NECAB2: variants seen among roughly 807,000 people sequenced by gnomAD.
NECAB2 encodes the protein N-terminal EF-hand calcium binding protein 2, also known as N-terminal EF-hand calcium-binding protein 2.
NECAB2 carries 68 observed loss-of-function variants against 51.9 expected under a neutral mutation model. The ratio of observed to expected loss-of-function variants is 1.31; its 90% CI spans 1.08 to 1.60. The LOEUF (loss-of-function observed/expected upper bound fraction) is 1.60, where lower values mean the gene tolerates loss of function less well. NECAB2 is among the 40% of genes most tolerant of loss of function. NECAB2 has a pLI of 0.00. For synonymous variants in NECAB2, 329 were observed against 203.5 expected (o/e 1.62, Z -5.25); for missense variants, 854 against 490.3 (o/e 1.74, Z -7.00).
chr16:83,968,542 G>A lies in NECAB2; in HGVS notation c.-107G>A, dbSNP rs2084313096. Reference sequence around the variant, plus strand: ...GTCCGCGGCCGCGGGGGCAGCGGGAGAGAGGGCGGGGCGGCGCGGGCAGCG... The same window carrying A: ...GTCCGCGGCCGCGGGGGCAGCGGGAAAGAGGGCGGGGCGGCGCGGGCAGCG... On this transcript the variant is annotated 5_prime_UTR_variant, in exon 1 of 13. Transcript: ENST00000305202. The A allele has an allele frequency of 2.1e-5, 19 of 894,834 alleles. No homozygotes were observed. The highest frequency in any genetic ancestry group is 2.4e-5 in the Non-Finnish European group (18 of 750,402). 55.4% of individuals were successfully genotyped at this position (894,834 alleles called of 1,614,324 possible). A position where few individuals can be genotyped will look rare whatever the true frequency, so the allele number is the denominator to read the frequency against.
rs1240332299 is a variant in NECAB2 at position 83,968,569 on chromosome 16, G to C, written c.-80G>C. The C allele has an allele frequency of 2.1e-6, 2 of 956,610 alleles. No individual in the cohort carries two copies. Among genetic ancestry groups the C allele is most frequent in the African/African-American group, 1.8e-5 (1 of 55,960 alleles). 59.3% of individuals were successfully genotyped at this position (956,610 alleles called of 1,614,324 possible). On this transcript the variant is annotated 5_prime_UTR_variant, in exon 1 of 13. Coordinates refer to ENST00000305202, the MANE Select transcript of NECAB2 (RefSeq NM_019065.3). ...GAGGGCGGGGCGGCGCGGGCAGCGCGGGGAGGGGGTCGCGCGGGGGCGGGC... is the reference window on the plus strand; with the variant it reads ...GAGGGCGGGGCGGCGCGGGCAGCGCCGGGAGGGGGTCGCGCGGGGGCGGGC...
At chr16:83,999,919 T>C (rs562509523) in intron 10 of NECAB2, among the ~76,000 whole-genome samples, 6 of 144,476 alleles carry the variant, frequency 4.2e-5, no homozygotes, top group Non-Finnish European at 7.4e-5. Context: ...CTTGCTTTAT[T>C]GTCCAGGCAG....
chr16:83,981,144 G>T lies in NECAB2; in HGVS notation c.459+17G>T. The T allele has an allele frequency of 6.3e-7, 1 of 1,593,168 alleles. No individual in the cohort carries two copies. Among genetic ancestry groups the T allele is most frequent in the South Asian group, 1.1e-5 (1 of 90,750 alleles). On this transcript the variant is annotated intron_variant, in intron 5 of 12. Transcript: ENST00000305202. Reference sequence around the variant, plus strand: ...ACCAAGAAGGTCAGTGGGTGTAGGTGGCCCCCGGGGTCCAGGGCTCCAGTG... The same window carrying T: ...ACCAAGAAGGTCAGTGGGTGTAGGTTGCCCCCGGGGTCCAGGGCTCCAGTG...
At chr16:83,979,675 G>C (rs920870154) in intron 3 of NECAB2, among the ~76,000 whole-genome samples, 1 of 151,974 alleles carries the variant, frequency 6.6e-6, no homozygotes, top group African/African-American at 2.4e-5. Flanking sequence ...TAGGACCAGC[G>C]GGGTAGAGGA....
Position 84,001,743 on chromosome 16 carries a change from G to C in NECAB2, c.1041-82G>C, listed in dbSNP as rs35016623. ...CTTATTGATAAGCTCCCCATTTTGG[G>C]CTAGAGCTAGGATTAACAGGGGAGC... On this transcript the variant is annotated intron_variant, in intron 11 of 12. Coordinates refer to ENST00000305202, the MANE Select transcript of NECAB2 (RefSeq NM_019065.3). 1.4e-4 allele frequency: 203 copies of C among 1,476,710 alleles called. No homozygotes were observed. In the African/African-American group the frequency reaches 2.4e-3, roughly 18 times the overall value. 91.5% of individuals were successfully genotyped at this position (1,476,710 alleles called of 1,614,324 possible).
At chr16:83,993,338 C>T (rs942232671) in intron 6 of NECAB2, 3 of 152,246 alleles carry the variant, frequency 2.0e-5, no homozygotes, top group Admixed American at 6.5e-5. Context: ...CCTCTCCCCT[C>T]CCAAGGCGGG....
chr16:83,966,192 C>T (rs1252943790), upstream of NECAB2: 4 of 589,736 alleles, frequency 6.8e-6, no homozygotes, highest in Non-Finnish European at 1.2e-5. Flanking sequence ...GAGGTGGTAA[C>T]AGCGGCCGCA....
intron 8 of NECAB2, 143 bp downstream of exon 8, chr16:83,994,831 C>A (rs1419882186): frequency 4.3e-6 from 4 of 941,136 alleles, no homozygotes; most frequent in African/African-American, 3.3e-5. Flanking sequence ...GGGCGTGGAG[C>A]TGCCGAGGAC....
intron 9 of NECAB2, among the ~76,000 whole-genome samples, chr16:83,997,662 G>GGGTTCAAGCAATTCTCCT (rs2084733081): frequency 6.6e-6 from 1 of 151,038 alleles, no homozygotes; most frequent in African/African-American, 2.4e-5. Context: ...TAATTTTTTT[G>GGGTTCAAGCAATTCTCCT]GTATTTTTAG....
chr16:83,967,061 G>A (rs550009905), upstream of NECAB2, among the ~76,000 whole-genome samples: 3 of 152,052 alleles, frequency 2.0e-5, no homozygotes, highest in Non-Finnish European at 4.4e-5. Flanking sequence ...TAATAGAGAC[G>A]GGGTTTCACC....
At chr16:83,972,843 G>T (rs936172935) in intron 2 of NECAB2, among the ~76,000 whole-genome samples, 2 of 152,234 alleles carry the variant, frequency 1.3e-5, no homozygotes, top group Admixed American at 6.5e-5. Context: ...CCCAGGCCTT[G>T]AGAGAATAAG....
intron 2 of NECAB2, among the ~76,000 whole-genome samples, chr16:83,978,162 T>G (rs1431972284): frequency 3.3e-5 from 5 of 152,216 alleles, no homozygotes; most frequent in Non-Finnish European, 4.4e-5. Flanking sequence ...AGTTTGAGGA[T>G]TATCTGTAAA....
intron 8 of NECAB2, among the ~76,000 whole-genome samples, chr16:83,994,898 G>T: frequency 6.6e-6 from 1 of 152,312 alleles, no homozygotes; most frequent in Middle Eastern, 3.4e-3. Flanking sequence ...AAGGAGGGGC[G>T]CCTGGGAAGA....
At chr16:83,990,705 G>A (rs2084612872) in intron 6 of NECAB2, 75 bp downstream of exon 6, 6 of 1,572,132 alleles carry the variant, frequency 3.8e-6, no homozygotes, top group South Asian at 1.2e-5. Flanking sequence ...CTGCTTGGTG[G>A]GGATGTCTGT....
At chr16:83,994,277 G>T in intron 6 of NECAB2, 25 bp from the exon 7 acceptor site, 3 of 1,609,978 alleles carry the variant, frequency 1.9e-6, no homozygotes, top group South Asian at 1.1e-5. Flanking sequence ...GCCATGGTCT[G>T]TGTGTGTTCC....
At chr16:83,999,358 G>A (rs1267908574) in intron 10 of NECAB2, among the ~76,000 whole-genome samples, 1 of 152,208 alleles carries the variant, frequency 6.6e-6, no homozygotes, top group African/African-American at 2.4e-5. Context: ...GAATAAGTGG[G>A]AGGCTCCAGG....
rs754447513 is a variant in NECAB2, at chr16:83,994,350, A to C, written c.645A>C (p.Gly215=). The change falls in exon 7 of 13, where the codon GGA becomes GGC. Residue 215 remains glycine (G), a synonymous_variant. Transcript: ENST00000305202. ...ACAGCGCGGCACAGACCTGGTGTGG[A>C]AGCCCCACTCCCGCCTCTGCCCCCA... ...PSHSAAQTWC[G]SPTPASAPNH... 3 of 1,614,178 alleles carry C rather than the reference A, an allele frequency of 1.9e-6. No homozygotes were observed.
intron 2 of NECAB2, among the ~76,000 whole-genome samples, chr16:83,976,495 C>G (rs373806017): frequency 4.8e-4 from 73 of 152,220 alleles, no homozygotes; most frequent in African/African-American, 1.6e-3. Flanking sequence ...TCAGGCTTGC[C>G]GAAGACACTC....
intron 5 of NECAB2, 42 bp downstream of exon 5, chr16:83,981,169 G>A (rs368997404): frequency 1.3e-6 from 2 of 1,550,212 alleles, no homozygotes; most frequent in Admixed American, 1.7e-5. Flanking sequence ...GGGCTCCAGT[G>A]CTGCTTCAGT....
Sources: gnomAD v4.1 joint callset for allele counts (sites outside exome capture counted in the v4.1 genomes callset) on GRCh38, gnomAD v4.1.1 for gene constraint, MANE v1.5 for transcripts, NCBI Gene and HGNC (gene_info 2026-07-23, HGNC 2026-07-21) for gene names.